Variants in MPPED1 observed in about 807,000 individuals in gnomAD.
MPPED1 encodes metallophosphoesterase domain containing 1.
A neutral mutation model predicts 36.2 loss-of-function variants in MPPED1; 16 were observed. The ratio of observed to expected loss-of-function variants is 0.44; its 90% CI spans 0.30 to 0.67. The LOEUF (loss-of-function observed/expected upper bound fraction) is 0.67. MPPED1 is among the 30% of genes least tolerant of loss of function. The pLI is 0.10. For synonymous variants in MPPED1, 199 were observed against 191.3 expected, an observed-to-expected ratio of 1.04 and a Z score of -0.33; for missense variants, 307 against 453.4, an observed-to-expected ratio of 0.68 and a Z score of 2.93.
chr22:43,468,956 C>T (rs922210770), intron 3 of MPPED1, among the ~76,000 whole-genome samples: 5 of 152,200 alleles, frequency 3.3e-5, no homozygotes, highest in African/African-American at 1.2e-4. Flanking sequence ...GCACAGCCCC[C>T]AGCACCTGCA....
chr22:43,492,990 C>T (rs1173656503), intron 4 of MPPED1, among the ~76,000 whole-genome samples: 1 of 152,180 alleles, frequency 6.6e-6, no homozygotes, highest in Admixed American at 6.5e-5. Context: ...CCCCTCTCAC[C>T]CACCATCATT....
At chr22:43,471,436 T>C (rs1206721979) in intron 3 of MPPED1, among the ~76,000 whole-genome samples, 4 of 152,028 alleles carry the variant, frequency 2.6e-5, no homozygotes, top group South Asian at 4.1e-4. Flanking sequence ...AGGGGTGGGG[T>C]CAGCTGGACC....
chr22:43,464,955 C>G (rs545945769), intron 3 of MPPED1, among the ~76,000 whole-genome samples: 1 of 152,210 alleles, frequency 6.6e-6, no homozygotes, highest in Admixed American at 6.5e-5. Context: ...TATACAAGGG[C>G]CCCTTGGTTC....
At chr22:43,448,938 A>G (rs1046027284) in intron 3 of MPPED1, among the ~76,000 whole-genome samples, 1 of 151,920 alleles carries the variant, frequency 6.6e-6, no homozygotes, top group Non-Finnish European at 1.5e-5. Flanking sequence ...CCTTTTGTAT[A>G]TGGGAACTAC....
intron 4 of MPPED1, among the ~76,000 whole-genome samples, chr22:43,491,119 T>TA (rs1356030162): frequency 2.6e-5 from 4 of 152,188 alleles, no homozygotes; most frequent in African/African-American, 9.7e-5. Context: ...ATTCTTTTTT[T>TA]AAAAAAATGC....
At chr22:43,499,183 T>G (rs929495687) in intron 5 of MPPED1, among the ~76,000 whole-genome samples, 2 of 135,984 alleles carry the variant, frequency 1.5e-5, no homozygotes, top group Non-Finnish European at 3.1e-5. Context: ...GAGGTGGAGA[T>G]GGTGGTGGTG....
chr22:43,464,793 T>C (rs1162339893), intron 3 of MPPED1, among the ~76,000 whole-genome samples: 1 of 152,206 alleles, frequency 6.6e-6, no homozygotes. Context: ...GTTTTAGTTT[T>C]CTTTGCTCAG....
chr22:43,413,869 G>A (rs1928989726), intron 1 of MPPED1, among the ~76,000 whole-genome samples: 1 of 152,188 alleles, frequency 6.6e-6, no homozygotes. Flanking sequence ...GTTTCAGTGT[G>A]GGACTGCCTT....
rs554416237 is a variant in MPPED1 at position 43,480,880 on chromosome 22, A to G, written c.632+5919A>G. Among the ~76,000 whole-genome samples, 3 of 150,078 alleles carry G rather than the reference A, an allele frequency of 2.0e-5. No individual in the cohort carries two copies. In the East Asian group the frequency reaches 5.9e-4, roughly 29 times the overall value. ...ACTCTGTCGCCTAGGTTAGAGTGCAATGGCATGATCTCGGCTCACTGCAAC... is the reference window on the plus strand; with the variant it reads ...ACTCTGTCGCCTAGGTTAGAGTGCAGTGGCATGATCTCGGCTCACTGCAAC... On this transcript the variant is annotated intron_variant, in intron 4 of 6. Coordinates refer to ENST00000443721, the MANE Select transcript of MPPED1 (RefSeq NM_001044370.2).
chr22:43,463,428 C>T (rs900780159), intron 3 of MPPED1, among the ~76,000 whole-genome samples: 2 of 150,458 alleles, frequency 1.3e-5, no homozygotes, highest in African/African-American at 2.4e-5. Flanking sequence ...AATTCCTGGG[C>T]TTAAGCTGTC....
chr22:43,477,672 C>T (rs1048240250), intron 4 of MPPED1, among the ~76,000 whole-genome samples: 1 of 152,190 alleles, frequency 6.6e-6, no homozygotes, highest in African/African-American at 2.4e-5. Flanking sequence ...CTCATCTTCC[C>T]TGGCCTCGGC....
chr22:43,467,234 G>A (rs910594089), intron 3 of MPPED1, among the ~76,000 whole-genome samples: 1 of 152,220 alleles, frequency 6.6e-6, no homozygotes, highest in Non-Finnish European at 1.5e-5. Flanking sequence ...CTGTCATGGG[G>A]AGAATGGCCC....
intron 3 of MPPED1, among the ~76,000 whole-genome samples, chr22:43,454,680 A>C (rs1930691988): frequency 6.6e-6 from 1 of 152,100 alleles, no homozygotes; most frequent in African/African-American, 2.4e-5. Context: ...CCTCCTGAAT[A>C]GCTGGGACTA....
intron 4 of MPPED1, among the ~76,000 whole-genome samples, chr22:43,495,507 T>TGGTGGTGGTGGA: frequency 9.8e-5 from 6 of 61,430 alleles, no homozygotes; most frequent in Admixed American, 1.7e-4. Context: ...GTGGTGGAGG[T>TGGTGGTGGTGGA]GGTGGTGGTG....
At chr22:43,434,890 A>T in intron 2 of MPPED1, 144 bp from the exon 3 acceptor site, 1 of 849,226 alleles carries the variant, frequency 1.2e-6, no homozygotes. Context: ...GACCCCTGGG[A>T]AGGCTGGGCG....
chr22:43,474,094 G>A lies in MPPED1; in HGVS notation c.407-642G>A, dbSNP rs906632613. On this transcript the variant is annotated intron_variant, in intron 3 of 6. Coordinates refer to ENST00000443721, the MANE Select transcript of MPPED1 (RefSeq NM_001044370.2). The surrounding 1 kb of genome is among the most constrained non-coding windows in gnomAD (Gnocchi z 5.2). Reference sequence around the variant, plus strand: ...TGGGGTCTCCAAACATTTGAACTGGGCTCTGCAAAGACCTTGCAATTCCTT... The same window carrying A: ...TGGGGTCTCCAAACATTTGAACTGGACTCTGCAAAGACCTTGCAATTCCTT... Among the ~76,000 whole-genome samples, 6 of 152,276 alleles carry A rather than the reference G, an allele frequency of 3.9e-5. No individual in the cohort carries two copies. Among genetic ancestry groups the A allele is most frequent in the Non-Finnish European group, 7.4e-5 (5 of 68,022 alleles).
chr22:43,473,100 T>C (rs1028680837), intron 3 of MPPED1, among the ~76,000 whole-genome samples: 10 of 152,164 alleles, frequency 6.6e-5, no homozygotes, highest in African/African-American at 2.2e-4. Flanking sequence ...ATTTCTGGAA[T>C]TTGGTTCCCC....
chr22:43,460,996 C>T (rs1016300446), intron 3 of MPPED1, among the ~76,000 whole-genome samples: 8 of 152,176 alleles, frequency 5.3e-5, no homozygotes, highest in Non-Finnish European at 7.3e-5. Flanking sequence ...TAGACAACTG[C>T]TGCTGATTGT....
intron 4 of MPPED1, among the ~76,000 whole-genome samples, chr22:43,493,221 C>T (rs764687657): frequency 2.0e-5 from 3 of 152,208 alleles, no homozygotes; most frequent in Non-Finnish European, 4.4e-5. Flanking sequence ...TGAACCTGGG[C>T]ACTTTCCATT....
Sources: allele counts gnomAD v4.1 joint callset (sites outside exome capture counted in the v4.1 genomes callset), GRCh38; gene constraint gnomAD v4.1.1; non-coding constraint Gnocchi (gnomAD v3.1); transcripts MANE v1.5; gene names NCBI Gene and HGNC (gene_info 2026-07-23, HGNC 2026-07-21).